The following ATF6 variants were observed in gnomAD, a reference collection of about 807,000 sequenced individuals.
The protein encoded by ATF6 is activating transcription factor 6.
ATF6 carries 53 observed loss-of-function variants against 83.6 expected under a neutral mutation model. The ratio of observed to expected loss-of-function variants is 0.63; its 90% CI spans 0.51 to 0.80. The LOEUF (loss-of-function observed/expected upper bound fraction) is 0.80. Ranked by LOEUF, ATF6 falls within the 30% of genes least tolerant of loss-of-function variation. ATF6 has a pLI of 0.00. For missense variants in ATF6, 744 were observed against 797.9 expected (o/e 0.93, Z 0.81); for synonymous variants, 288 against 285.8 (o/e 1.01, Z -0.08).
chr1:161,903,310 A>G (rs969953223), intron 14 of ATF6, among the ~76,000 whole-genome samples: 2 of 152,188 alleles, frequency 1.3e-5, no homozygotes, highest in Admixed American at 6.5e-5. Context: ...GAGAATATCT[A>G]TGGCAGTTAG....
chr1:161,851,273 CA>C lies in ATF6; in HGVS notation c.1320-448del, dbSNP rs1300828754. Among the ~76,000 whole-genome samples, 363 of 139,880 alleles carry C rather than the reference CA, an allele frequency of 2.6e-3. 2 individuals carry two copies. Among genetic ancestry groups the C allele is most frequent in the African/African-American group, 9.0e-3 (345 of 38,510 alleles). The allele number at this position is 139,880 out of a possible 152,430, so 91.8% of individuals were successfully genotyped here. A position where few individuals can be genotyped will look rare whatever the true frequency, so the allele number is the denominator to read the frequency against. ...ACACACACACACACACACACACACA[CA>C]CCCCTACCTGTTTTACAGATACTAT... On this transcript the variant is annotated intron_variant, in intron 10 of 15. Transcript: ENST00000367942.
intron 7 of ATF6, among the ~76,000 whole-genome samples, chr1:161,807,865 CTTTTTTTT>C (rs761462420): frequency 1.5e-4 from 5 of 32,306 alleles, no homozygotes; most frequent in African/African-American, 2.3e-4. Flanking sequence ...AGTTTGTCAT[CTTTTTTTT>C]TTTTTTTTTT....
rs2101929055 is a variant in ATF6 at position 161,962,355 on chromosome 1, CTG to C, written c.*3707_*3708del. ...AAATCTTAGCCTGAACCTTCCTCCCCTGTGTGTATTCCCCGGTAGTCACCGCA... is the reference window on the plus strand; with the variant it reads ...AAATCTTAGCCTGAACCTTCCTCCCCTGTGTATTCCCCGGTAGTCACCGCA... On this transcript the variant is annotated 3_prime_UTR_variant, in exon 16 of 16. Transcript: ENST00000367942. 6.6e-6 allele frequency: 1 copy of C among 152,266 alleles called. No homozygotes were observed. The highest frequency in any genetic ancestry group is 6.5e-5 in the Admixed American group (1 of 15,300). The allele number at this position is 152,266 out of a possible 1,614,324, so 9.4% of individuals were successfully genotyped here.
intron 15 of ATF6, among the ~76,000 whole-genome samples, chr1:161,932,470 A>G (rs902151559): frequency 6.6e-6 from 1 of 152,144 alleles, no homozygotes; most frequent in Non-Finnish European, 1.5e-5. Flanking sequence ...ACAAATTATA[A>G]CAATTTTCAA....
rs747457868 is a variant in ATF6 at position 161,781,939 on chromosome 1, G to T, written c.187G>T (p.Asp63Tyr). ...YENNFDNLDF[D>Y]LDLMPWESDI... ...AAACAATTTTGATAATCTTGATTTT[G>T]ATTTGGATTTGATGCCTTGGGAGTC... Residue 63 changes from aspartate to tyrosine, a missense_variant, in exon 3 of 16, where the codon GAT becomes TAT. Coordinates refer to ENST00000367942, the MANE Select transcript of ATF6 (RefSeq NM_007348.4). 1 of 1,610,280 alleles carries T rather than the reference G, an allele frequency of 6.2e-7. No homozygotes were observed. The highest frequency in any genetic ancestry group is 8.5e-7 in the Non-Finnish European group (1 of 1,178,412).
At chr1:161,843,796 T>C (rs1357597365) in intron 9 of ATF6, among the ~76,000 whole-genome samples, 1 of 152,206 alleles carries the variant, frequency 6.6e-6, no homozygotes, top group Non-Finnish European at 1.5e-5. Context: ...GAGCTTTTTA[T>C]TTTAATAACA....
At chr1:161,848,172 T>G (rs752920144) in intron 10 of ATF6, among the ~76,000 whole-genome samples, 1 of 152,084 alleles carries the variant, frequency 6.6e-6, no homozygotes, top group Admixed American at 6.6e-5. Flanking sequence ...ATGCAAGTCC[T>G]TTGAAATATT....
intron 8 of ATF6, among the ~76,000 whole-genome samples, chr1:161,820,209 T>A (rs1685719134): frequency 6.6e-6 from 1 of 152,258 alleles, no homozygotes. Context: ...TGCATTCTGT[T>A]ACTATGCTGA....
At chr1:161,825,047 T>C (rs559658276) in intron 9 of ATF6, among the ~76,000 whole-genome samples, 2 of 152,332 alleles carry the variant, frequency 1.3e-5, no homozygotes, top group East Asian at 3.9e-4. Context: ...TGTCCTACAA[T>C]TTGACTCAAT....
At chr1:161,909,109 C>G (rs1018915455) in intron 14 of ATF6, among the ~76,000 whole-genome samples, 1 of 152,180 alleles carries the variant, frequency 6.6e-6, no homozygotes, top group Admixed American at 6.5e-5. Context: ...ATAATAGTGG[C>G]TTAGATAAAT....
At chr1:161,832,577 G>A (rs536754394) in intron 9 of ATF6, among the ~76,000 whole-genome samples, 4 of 152,328 alleles carry the variant, frequency 2.6e-5, no homozygotes, top group East Asian at 3.9e-4. Context: ...CTCTTCCAAC[G>A]GGCTTAACAA....
intron 9 of ATF6, among the ~76,000 whole-genome samples, chr1:161,834,213 T>G (rs889359126): frequency 2.6e-5 from 4 of 151,970 alleles, no homozygotes; most frequent in African/African-American, 9.7e-5. Context: ...TGCTGAGAGA[T>G]TTTGTCACCA....
At chr1:161,911,863 C>T (rs1687998494) in intron 14 of ATF6, among the ~76,000 whole-genome samples, 1 of 152,154 alleles carries the variant, frequency 6.6e-6, no homozygotes, top group African/African-American at 2.4e-5. Context: ...GGGAGATACT[C>T]TCAGTATCTT....
chr1:161,892,394 A>G (rs2101870761), intron 14 of ATF6, among the ~76,000 whole-genome samples: 1 of 152,298 alleles, frequency 6.6e-6, no homozygotes, highest in South Asian at 2.1e-4. Context: ...GAATCTGTGG[A>G]AAATGACTTC....
chr1:161,889,100 T>C (rs988597386), intron 14 of ATF6, among the ~76,000 whole-genome samples: 17 of 152,228 alleles, frequency 1.1e-4, no homozygotes, highest in African/African-American at 4.1e-4. Flanking sequence ...CAACTCCTAA[T>C]TGGGACTGAA....
chr1:161,880,417 T>C (rs964529056), intron 14 of ATF6, among the ~76,000 whole-genome samples: 7 of 152,010 alleles, frequency 4.6e-5, no homozygotes, highest in African/African-American at 1.4e-4. Flanking sequence ...TCCCCATCAG[T>C]CCCAAAAGTT....
chr1:161,780,781 C>T (rs1684618568), intron 2 of ATF6, among the ~76,000 whole-genome samples: 1 of 152,108 alleles, frequency 6.6e-6, no homozygotes, highest in South Asian at 2.1e-4. Flanking sequence ...ATGATCTTGG[C>T]TCATTGCAGC....
chr1:161,795,063 G>C (rs1249562707), intron 6 of ATF6, among the ~76,000 whole-genome samples: 1 of 152,132 alleles, frequency 6.6e-6, no homozygotes, highest in Non-Finnish European at 1.5e-5. Context: ...CTGCTAATAA[G>C]AAGTGGAGCC....
intron 14 of ATF6, among the ~76,000 whole-genome samples, chr1:161,912,006 C>G (rs1404835775): frequency 1.3e-5 from 2 of 152,124 alleles, no homozygotes; most frequent in African/African-American, 2.4e-5. Flanking sequence ...GTCTTGACTG[C>G]TTGACCAGTA....
Sources: allele counts gnomAD v4.1 joint callset (sites outside exome capture counted in the v4.1 genomes callset), GRCh38; gene constraint gnomAD v4.1.1; transcripts MANE v1.5; gene names NCBI Gene and HGNC (gene_info 2026-07-23, HGNC 2026-07-21).